Variants in DPY30 observed in about 807,000 individuals in gnomAD.
DPY30 encodes dpy-30 histone methyltransferase complex regulatory subunit.
Under a neutral mutation model 16.2 loss-of-function variants are expected in DPY30, and 6 were observed. The ratio of observed to expected loss-of-function variants is 0.37; its 90% confidence interval spans 0.20 to 0.73. The LOEUF is 0.73. Ranked by LOEUF, DPY30 falls within the 30% of genes least tolerant of loss-of-function variation. DPY30 has a pLI of 0.51. For missense variants in DPY30, 73 were observed against 113.1 expected, an observed-to-expected ratio of 0.65 and a Z score of 1.61; for synonymous variants, 39 against 38.8, an observed-to-expected ratio of 1.00 and a Z score of -0.02.
chr2:32,023,618 T>C (rs973772370), downstream of DPY30: 5 of 753,350 alleles, frequency 6.6e-6, no homozygotes, highest in Non-Finnish European at 1.0e-5. Flanking sequence ...TTAGAAGATA[T>C]TGTATCCCCT....
chr2:32,024,088 A>G lies in DPY30; in HGVS notation c.*96T>C. ...GTTCTGTTGTCCGGAAGGTTCTTAT[A>G]CATCCAAAAAGAGGGAATGATCATG... On this transcript the variant is annotated 3_prime_UTR_variant, in exon 5 of 5. Transcript: ENST00000342166. The G allele has an allele frequency of 6.5e-7, 1 of 1,534,186 alleles. No homozygotes were observed. Among genetic ancestry groups the G allele is most frequent in the Non-Finnish European group, 8.7e-7 (1 of 1,144,696 alleles).
downstream of DPY30, among the ~76,000 whole-genome samples, chr2:32,021,642 G>A (rs1675183362): frequency 6.7e-6 from 1 of 150,074 alleles, no homozygotes; most frequent in African/African-American, 2.5e-5. Context: ...TTGCGCCACT[G>A]CACTCCAGCC....
intron 4 of DPY30, among the ~76,000 whole-genome samples, chr2:32,025,265 C>A (rs1451197292): frequency 1.3e-5 from 2 of 151,950 alleles, no homozygotes; most frequent in African/African-American, 4.8e-5. Context: ...GAGTTCAAGA[C>A]AGTCCTGACC....
In DPY30 at chr2:32,028,998, G is replaced by A. The variant is rs142397873; in HGVS notation, c.227+596C>T. On this transcript the variant is annotated intron_variant, in intron 4 of 4. Transcript: ENST00000342166. ...TAAGAATAATAATAATAGGCCGGGCGCAGTGGCTCATGCCTGTAATCCCAG... is the reference window on the plus strand; with the variant it reads ...TAAGAATAATAATAATAGGCCGGGCACAGTGGCTCATGCCTGTAATCCCAG... 9.8e-3 allele frequency among the ~76,000 whole-genome samples: 1,499 copies of A among 152,188 alleles called. 19 individuals carry two copies. The highest frequency in any genetic ancestry group is 0.054 in the Middle Eastern group (16 of 294).
chr2:32,030,696 G>A (rs1200963884), intron 3 of DPY30, among the ~76,000 whole-genome samples: 1 of 151,824 alleles, frequency 6.6e-6, no homozygotes, highest in African/African-American at 2.4e-5. Context: ...CTACTCAGGA[G>A]CCTGAGGTGG....
At chr2:32,014,329 T>A (rs1360529353) in intron 5 of DPY30, among the ~76,000 whole-genome samples, 1 of 152,006 alleles carries the variant, frequency 6.6e-6, no homozygotes, top group Non-Finnish European at 1.5e-5. Context: ...TAAAAATAAA[T>A]TTTAAAACTT....
At chr2:32,030,750 G>C (rs1046698910) in intron 3 of DPY30, among the ~76,000 whole-genome samples, 1 of 151,996 alleles carries the variant, frequency 6.6e-6, no homozygotes, top group African/African-American at 2.4e-5. Flanking sequence ...AGTGAGACGA[G>C]ATCATGCCAC....
intron 3 of DPY30, among the ~76,000 whole-genome samples, chr2:32,038,853 G>A (rs996246412): frequency 6.6e-6 from 1 of 151,996 alleles, no homozygotes; most frequent in Non-Finnish European, 1.5e-5. Context: ...TCACCATGTT[G>A]GTCAGGCTGG....
chr2:32,029,128 C>T (rs1675439707), intron 4 of DPY30, among the ~76,000 whole-genome samples: 1 of 151,954 alleles, frequency 6.6e-6, no homozygotes, highest in South Asian at 2.1e-4. Flanking sequence ...AAAAATTAGC[C>T]GGGCGTAGTG....
intron 5 of DPY30, among the ~76,000 whole-genome samples, chr2:32,012,428 T>TC (rs1674967934): frequency 8.0e-6 from 1 of 125,474 alleles, no homozygotes; most frequent in Non-Finnish European, 1.7e-5. Context: ...TCTTTTTTTT[T>TC]TTTTTTTTTT....
At chr2:32,025,888 G>C (rs568424900) in intron 4 of DPY30, among the ~76,000 whole-genome samples, 1 of 151,642 alleles carries the variant, frequency 6.6e-6, no homozygotes, top group East Asian at 1.9e-4. Context: ...CAGGCAGATA[G>C]CTTGAGCCCA....
intron 3 of DPY30, among the ~76,000 whole-genome samples, chr2:32,030,079 A>AT (rs1292542130): frequency 6.7e-6 from 1 of 150,138 alleles, no homozygotes; most frequent in African/African-American, 2.5e-5. Context: ...AAAAAAAAAA[A>AT]AAATAATGAA....
chr2:32,013,480 G>C (rs1572984120), intron 5 of DPY30: 2 of 152,166 alleles, frequency 1.3e-5, no homozygotes, highest in Admixed American at 1.3e-4. Context: ...GAAAGAGGTT[G>C]AAACTATTCA....
intron 5 of DPY30, among the ~76,000 whole-genome samples, chr2:32,017,551 G>T (rs1432956288): frequency 6.6e-6 from 1 of 151,304 alleles, no homozygotes; most frequent in Non-Finnish European, 1.5e-5. Flanking sequence ...GGAGGCGGAG[G>T]TTGCAGTGAG....
chr2:32,029,578 G>T lies in DPY30; in HGVS notation c.227+16C>A. ...GCTTTCTTTACTAACTCCATTTGTG[G>T]ACACAATTATCTTACCTTTCCTTTG... On this transcript the variant is annotated intron_variant, in intron 4 of 4. Transcript: ENST00000342166. 6.2e-7 allele frequency: 1 copy of T among 1,609,678 alleles called. No individual in the cohort carries two copies. The highest frequency in any genetic ancestry group is 8.5e-7 in the Non-Finnish European group (1 of 1,178,176).
At chr2:32,023,369 A>G (rs994379151), downstream of DPY30, 5 of 462,410 alleles carry the variant, frequency 1.1e-5, no homozygotes, top group African/African-American at 6.0e-5. Context: ...AAGAGAAGCA[A>G]TGAAATTCAG....
intron 3 of DPY30, among the ~76,000 whole-genome samples, chr2:32,035,055 G>C (rs1215339051): frequency 4.6e-5 from 7 of 151,286 alleles, no homozygotes; most frequent in Admixed American, 2.6e-4. Flanking sequence ...GTTGCAGTGA[G>C]CCGAGAGCAC....
rs141396439 is a variant in DPY30 at position 32,037,018 on chromosome 2, A to C, written c.84+2261T>G. Among the ~76,000 whole-genome samples, 7 of 152,356 alleles carry C rather than the reference A, an allele frequency of 4.6e-5. No individual in the cohort carries two copies. In the East Asian group the frequency reaches 7.7e-4, roughly 17 times the overall value. ...CGATAGCAAGCTTCTTTTCAGAAAC[A>C]ATGTCCGCCAGAAGACTGTGAAGCA... is the stretch of plus-strand genomic sequence containing the variant. On this transcript the variant is annotated intron_variant, in intron 3 of 4. Coordinates refer to ENST00000342166, the MANE Select transcript of DPY30 (RefSeq NM_001321209.2).
chr2:32,014,316 A>G (rs980171111), intron 5 of DPY30, among the ~76,000 whole-genome samples: 1 of 152,168 alleles, frequency 6.6e-6, no homozygotes, highest in Non-Finnish European at 1.5e-5. Flanking sequence ...GACAAAAAAA[A>G]GCTAAAAATA....
Sources: gnomAD v4.1 joint callset for allele counts (sites outside exome capture counted in the v4.1 genomes callset) on GRCh38, gnomAD v4.1.1 for gene constraint, MANE v1.5 for transcripts, NCBI Gene and HGNC (gene_info 2026-07-23, HGNC 2026-07-21) for gene names.